The following GPR137B variants were observed in gnomAD, a reference collection of about 807,000 sequenced individuals.
GPR137B encodes the protein G protein-coupled receptor 137B, also known as integral membrane protein GPR137B.
A neutral mutation model predicts 42.5 loss-of-function variants in GPR137B; 42 were observed. That is an observed-to-expected ratio of 0.99 (90% confidence interval 0.77 to 1.28). The LOEUF (loss-of-function observed/expected upper bound fraction) is 1.28. GPR137B is among the 50% of genes most tolerant of loss of function. The probability of loss-of-function intolerance (pLI) is 0.00; values close to 1 mark genes in which losing one functional copy is unlikely to be tolerated. For synonymous variants in GPR137B, 218 were observed against 209.7 expected, an observed-to-expected ratio of 1.04 and a Z score of -0.34; for missense variants, 487 against 493.9, an observed-to-expected ratio of 0.99 and a Z score of 0.13.
chr1:236,191,820 G>A (rs1192440679), intron 5 of GPR137B, among the ~76,000 whole-genome samples: 1 of 152,194 alleles, frequency 6.6e-6, no homozygotes, highest in Non-Finnish European at 1.5e-5. Context: ...CCCACTGAAG[G>A]CGGCAGTCTG....
intron 4 of GPR137B, among the ~76,000 whole-genome samples, chr1:236,183,401 G>A (rs748014094): frequency 4.5e-4 from 68 of 152,330 alleles, no homozygotes; most frequent in Admixed American, 3.3e-4. Flanking sequence ...TTAGATTTAA[G>A]TGAGAGTGTT....
In GPR137B at chr1:236,142,595, G is replaced by A; in HGVS notation, c.-28G>A. The A allele has an allele frequency of 7.8e-7, 1 of 1,284,328 alleles. No homozygotes were observed. Among genetic ancestry groups the A allele is most frequent in the South Asian group, 2.5e-5 (1 of 40,508 alleles). The allele number at this position is 1,284,328 out of a possible 1,614,324, so 79.6% of individuals were successfully genotyped here. ...CTGAGCGCGATGCGCGGAGACCCCC[G>A]CGGGGGCGGCGGCGGCCGTGAGCCC... On this transcript the variant is annotated 5_prime_UTR_variant, in exon 1 of 7. Transcript: ENST00000366592.
intron 5 of GPR137B, among the ~76,000 whole-genome samples, chr1:236,185,612 G>T (rs2102915199): frequency 6.6e-6 from 1 of 152,322 alleles, no homozygotes; most frequent in Middle Eastern, 3.4e-3. Context: ...CTGGAGTGCA[G>T]TGGCACGATC....
At position 236,142,738 on chromosome 1, in the gene GPR137B, C is replaced by G. The variant is rs199613305; in HGVS notation, c.116C>G (p.Pro39Arg). 17 of 1,607,964 alleles carry G rather than the reference C, an allele frequency of 1.1e-5. No individual in the cohort carries two copies. Among genetic ancestry groups the G allele is most frequent in the East Asian group, 6.7e-5 (3 of 44,570 alleles). The change falls in exon 1 of 7, where the codon CCC (proline) becomes CGC (arginine). Residue 39 changes from proline to arginine, a missense_variant. By Grantham distance (103) the Pro-to-Arg change is moderately radical. Coordinates refer to ENST00000366592, the MANE Select transcript of GPR137B (RefSeq NM_003272.4). ...CCCACGCTGACCCCGGCCGTGCCCC[C>G]CTACGTGAAGCTTGGCCTCACCGTC... ...LPPTLTPAVP[P>R]YVKLGLTVVY...
At chr1:236,185,386 G>A (rs1027868942) in intron 5 of GPR137B, among the ~76,000 whole-genome samples, 1 of 152,186 alleles carries the variant, frequency 6.6e-6, no homozygotes, top group African/African-American at 2.4e-5. Flanking sequence ...GATACTCAAA[G>A]TGCGGCTCTT....
intron 1 of GPR137B, among the ~76,000 whole-genome samples, chr1:236,153,444 A>C (rs1412357624): frequency 6.6e-6 from 1 of 152,236 alleles, no homozygotes; most frequent in Non-Finnish European, 1.5e-5. Context: ...TGTAACATTT[A>C]TCAGAACTTC....
In GPR137B at chr1:236,189,264, A is replaced by T. The variant is rs574765800; in HGVS notation, c.966+5358A>T. Among the ~76,000 whole-genome samples the T allele has an allele frequency of 1.1e-3, 168 of 152,208 alleles. 1 individual carries two copies. The highest frequency in any genetic ancestry group is 2.3e-3 in the Non-Finnish European group (156 of 68,042). On this transcript the variant is annotated intron_variant, in intron 5 of 6. Transcript: ENST00000366592. ...TATCCATTTTGTTGATCTTTTCAAA[A>T]AAACCAGCTCCTGGATTCATTGATT...
At chr1:236,182,592 T>G (rs1042826295) in intron 4 of GPR137B, among the ~76,000 whole-genome samples, 6 of 151,728 alleles carry the variant, frequency 4.0e-5, no homozygotes, top group African/African-American at 1.5e-4. Context: ...AAATTAAAAT[T>G]AAAAAATAAC....
chr1:236,180,988 G>C (rs12071086), intron 4 of GPR137B, among the ~76,000 whole-genome samples: 1 of 152,096 alleles, frequency 6.6e-6, no homozygotes, highest in African/African-American at 2.4e-5. Context: ...TTTGCAGATA[G>C]TAAGCAAATT....
chr1:236,181,893 ATTTT>A (rs562504942), intron 4 of GPR137B, among the ~76,000 whole-genome samples: 2 of 121,492 alleles, frequency 1.6e-5, no homozygotes, highest in African/African-American at 3.5e-5. Context: ...AATATTTGCT[ATTTT>A]TTTTTTTTTT....
At chr1:236,201,166 C>G (rs1458597037) in intron 5 of GPR137B, among the ~76,000 whole-genome samples, 2 of 152,016 alleles carry the variant, frequency 1.3e-5, no homozygotes, top group African/African-American at 4.8e-5. Flanking sequence ...ACCCCAATCC[C>G]TTCTGGCTTA....
chr1:236,190,625 A>G (rs1026152312), intron 5 of GPR137B, among the ~76,000 whole-genome samples: 20 of 151,462 alleles, frequency 1.3e-4, no homozygotes, highest in Admixed American at 1.3e-4. Context: ...TTCTGGGTTG[A>G]AAATTTTTTT....
chr1:236,151,800 C>A (rs945914939), intron 1 of GPR137B, among the ~76,000 whole-genome samples: 1 of 152,174 alleles, frequency 6.6e-6, no homozygotes, highest in Non-Finnish European at 1.5e-5. Context: ...TGAAAAAACC[C>A]CCATACACGG....
intron 5 of GPR137B, among the ~76,000 whole-genome samples, chr1:236,197,467 A>C (rs1663372290): frequency 6.6e-6 from 1 of 152,148 alleles, no homozygotes; most frequent in Non-Finnish European, 1.5e-5. Context: ...TGCCTAAGAC[A>C]ATGTCTAGAA....
At chr1:236,161,915 G>C (rs557712236) in intron 1 of GPR137B, among the ~76,000 whole-genome samples, 1 of 152,280 alleles carries the variant, frequency 6.6e-6, no homozygotes, top group African/African-American at 2.4e-5. Flanking sequence ...GACTAATACA[G>C]TAAATTAGTA....
chr1:236,160,328 T>G (rs1662150463), intron 1 of GPR137B, among the ~76,000 whole-genome samples: 1 of 152,040 alleles, frequency 6.6e-6, no homozygotes, highest in Non-Finnish European at 1.5e-5. Context: ...TTACCACCAT[T>G]CAGTTCCTGA....
rs1662536321 is a variant in GPR137B at position 236,171,474 on chromosome 1, G to T, written c.464+2719G>T. 6.6e-6 allele frequency among the ~76,000 whole-genome samples: 1 copy of T among 152,252 alleles called. No individual in the cohort carries two copies. Among genetic ancestry groups the T allele is most frequent in the African/African-American group, 2.4e-5 (1 of 41,472 alleles). On this transcript the variant is annotated intron_variant, in intron 2 of 6. Transcript: ENST00000366592. The surrounding 1 kb of genome is among the most constrained non-coding windows in gnomAD (Gnocchi z 4.4). ...TGGAACTGATTTTATCTTGGAAGCA[G>T]TTGAGGCTGGGGTAATTAGATGTCT...
At position 236,208,501 on chromosome 1, in the gene GPR137B, C is replaced by T. The variant is rs767168874; in HGVS notation, c.*343C>T. ...TACTGCAATCATGTTGTAGTTTGCACAGACTTTTATGCATAATTCACTTTA... is the reference window on the plus strand; with the variant it reads ...TACTGCAATCATGTTGTAGTTTGCATAGACTTTTATGCATAATTCACTTTA... On this transcript the variant is annotated 3_prime_UTR_variant, in exon 7 of 7. Transcript: ENST00000366592. The T allele has an allele frequency of 3.1e-4, 291 of 948,364 alleles. No homozygotes were observed. The highest frequency in any genetic ancestry group is 3.3e-4 in the Non-Finnish European group (255 of 784,216). The allele number at this position is 948,364 out of a possible 1,614,324, so 58.7% of individuals were successfully genotyped here.
chr1:236,167,894 C>T (rs1317630203), intron 1 of GPR137B, among the ~76,000 whole-genome samples: 1 of 152,228 alleles, frequency 6.6e-6, no homozygotes, highest in African/African-American at 2.4e-5. Context: ...GCCAGGCTCT[C>T]TGCCATCCAG....
Sources: allele counts gnomAD v4.1 joint callset (sites outside exome capture counted in the v4.1 genomes callset), GRCh38; gene constraint gnomAD v4.1.1; non-coding constraint Gnocchi (gnomAD v3.1); transcripts MANE v1.5; gene names NCBI Gene and HGNC (gene_info 2026-07-23, HGNC 2026-07-21).